The following TACR3 variants were observed in gnomAD, a reference collection of about 807,000 sequenced individuals.
TACR3 encodes tachykinin receptor 3.
Under a neutral mutation model 35.0 loss-of-function variants are expected in TACR3, and 34 were observed. The observed-to-expected ratio is 0.97, with a 90% CI of 0.74 to 1.30. The LOEUF (loss-of-function observed/expected upper bound fraction) is 1.30, where lower values mean the gene tolerates loss of function less well. Ranked by LOEUF, TACR3 falls within the 50% of genes most tolerant of loss-of-function variation. The pLI is 0.00. For synonymous variants in TACR3, 233 were observed against 221.1 expected (o/e 1.05, Z -0.48); for missense variants, 558 against 591.7 (o/e 0.94, Z 0.59).
rs757993020 is a variant in TACR3 at position 103,656,355 on chromosome 4, TAAG to T, written c.738-14_738-12del. On this transcript the variant is annotated splice_polypyrimidine_tract_variant and intron_variant, in intron 2 of 4. Transcript: ENST00000304883. ...ACGATAATATGGTAACTATGAAAAA[TAAG>T]AAAAACACATGCTGAAGACCTTATT... The T allele has an allele frequency of 2.6e-5, 42 of 1,611,088 alleles. 1 individual carries two copies. The Admixed American group carries it at 6.9e-4, about 26-fold the overall frequency.
chr4:103,622,461 G>C (rs1484827768), intron 3 of TACR3, among the ~76,000 whole-genome samples: 2 of 152,192 alleles, frequency 1.3e-5, no homozygotes, highest in African/African-American at 4.8e-5. Context: ...GCCAGGCACG[G>C]TGGCTCACGC....
At chr4:103,659,396 T>TC (rs1725792955) in intron 1 of TACR3, among the ~76,000 whole-genome samples, 1 of 152,240 alleles carries the variant, frequency 6.6e-6, no homozygotes, top group South Asian at 2.1e-4. Context: ...TCTGTATGTT[T>TC]AACTTTTAAA....
intron 1 of TACR3, among the ~76,000 whole-genome samples, chr4:103,693,201 CT>C (rs1342707514): frequency 6.6e-6 from 1 of 151,840 alleles, no homozygotes; most frequent in Non-Finnish European, 1.5e-5. Context: ...ACTGTATGTC[CT>C]TTTGCATATC....
chr4:103,702,347 T>G (rs923694583), intron 1 of TACR3, among the ~76,000 whole-genome samples: 1 of 152,030 alleles, frequency 6.6e-6, no homozygotes, highest in Admixed American at 6.5e-5. Context: ...AAAACCACAA[T>G]GAGATACCAT....
intron 3 of TACR3, among the ~76,000 whole-genome samples, chr4:103,631,089 A>G (rs192725680): frequency 1.0e-3 from 157 of 152,182 alleles, no homozygotes; most frequent in Non-Finnish European, 1.6e-3. Context: ...CAAAAACCAA[A>G]CACGGCATGT....
intron 3 of TACR3, among the ~76,000 whole-genome samples, chr4:103,604,369 C>T (rs927037425): frequency 1.3e-5 from 2 of 152,150 alleles, no homozygotes; most frequent in East Asian, 1.9e-4. Flanking sequence ...CCCTTCCTTA[C>T]ACCTTATACA....
intron 3 of TACR3, among the ~76,000 whole-genome samples, chr4:103,610,852 C>G (rs1459546912): frequency 6.6e-6 from 1 of 152,080 alleles, no homozygotes; most frequent in Non-Finnish European, 1.5e-5. Context: ...ATATGCATAA[C>G]CAGTTTTCCT....
At chr4:103,656,474 C>T in intron 2 of TACR3, 130 bp from the exon 3 acceptor site, 1 of 847,206 alleles carries the variant, frequency 1.2e-6, no homozygotes, top group South Asian at 1.5e-5. Flanking sequence ...ATACATTCAT[C>T]TCAAAATTCC....
chr4:103,713,637 GAA>G lies in TACR3; in HGVS notation c.548+5489_548+5490del, dbSNP rs994551719. Among the ~76,000 whole-genome samples, 4 of 150,050 alleles carry G rather than the reference GAA, an allele frequency of 2.7e-5. No homozygotes were observed. The East Asian group carries it at 5.9e-4, about 22-fold the overall frequency. ...AAAGTATAATAATAATAATAATAAG[GAA>G]AAAAAAGACAGAAAATCAATTAGAC... On this transcript the variant is annotated intron_variant, in intron 1 of 4. Coordinates refer to ENST00000304883, the MANE Select transcript of TACR3 (RefSeq NM_001059.3).
intron 1 of TACR3, among the ~76,000 whole-genome samples, chr4:103,671,043 C>A (rs80206548): frequency 0.018 from 2,702 of 151,932 alleles, 90 homozygotes; most frequent in African/African-American, 0.063. Flanking sequence ...TTACCAAATG[C>A]TTTTTTAGCA....
chr4:103,606,328 G>C (rs2110294506), intron 3 of TACR3, among the ~76,000 whole-genome samples: 1 of 152,204 alleles, frequency 6.6e-6, no homozygotes, highest in East Asian at 1.9e-4. Context: ...GGTTCCATAT[G>C]AACTTTAAAG....
chr4:103,707,660 C>T (rs1177106579), intron 1 of TACR3, among the ~76,000 whole-genome samples: 2 of 151,936 alleles, frequency 1.3e-5, no homozygotes, highest in African/African-American at 2.4e-5. Context: ...GGGTACAGGA[C>T]AGTGGGTGCA....
intron 3 of TACR3, among the ~76,000 whole-genome samples, chr4:103,616,135 G>A (rs955344506): frequency 5.3e-5 from 8 of 152,166 alleles, no homozygotes; most frequent in African/African-American, 1.9e-4. Context: ...ACAGGATAGT[G>A]AAGAATGCAA....
intron 3 of TACR3, among the ~76,000 whole-genome samples, chr4:103,646,556 T>C (rs1221028507): frequency 6.6e-6 from 1 of 152,018 alleles, no homozygotes; most frequent in Non-Finnish European, 1.5e-5. Flanking sequence ...ATTGGTCTTG[T>C]AGCATTTATG....
At chr4:103,623,368 C>G (rs192595819) in intron 3 of TACR3, among the ~76,000 whole-genome samples, 34 of 152,012 alleles carry the variant, frequency 2.2e-4, no homozygotes, top group Admixed American at 3.3e-4. Context: ...GATAGACACC[C>G]TGGGATTTTT....
intron 3 of TACR3, among the ~76,000 whole-genome samples, chr4:103,599,320 G>T (rs1273506729): frequency 6.6e-6 from 1 of 152,174 alleles, no homozygotes; most frequent in Non-Finnish European, 1.5e-5. Context: ...CTGAGACTTT[G>T]CTGAAGTTGC....
chr4:103,620,724 A>G (rs1366857982), intron 3 of TACR3, among the ~76,000 whole-genome samples: 1 of 152,146 alleles, frequency 6.6e-6, no homozygotes, highest in African/African-American at 2.4e-5. Context: ...ATATGGGAAC[A>G]ATACACATCG....
intron 3 of TACR3, among the ~76,000 whole-genome samples, chr4:103,596,779 G>A (rs537795727): frequency 6.6e-6 from 1 of 150,552 alleles, no homozygotes; most frequent in Non-Finnish European, 1.5e-5. Flanking sequence ...AGAGTCCCCA[G>A]TGTGTGATGT....
intron 1 of TACR3, among the ~76,000 whole-genome samples, chr4:103,707,043 C>A (rs556618900): frequency 6.6e-6 from 1 of 152,314 alleles, no homozygotes; most frequent in East Asian, 1.9e-4. Flanking sequence ...ATGTCGTTCA[C>A]TGAGTTCCAC....
Sources: gnomAD v4.1 joint callset for allele counts (sites outside exome capture counted in the v4.1 genomes callset) on GRCh38, gnomAD v4.1.1 for gene constraint, MANE v1.5 for transcripts, NCBI Gene and HGNC (gene_info 2026-07-23, HGNC 2026-07-21) for gene names.